ERBIN: variants seen among roughly 807,000 people sequenced by gnomAD.
The protein encoded by ERBIN is densin-180-like protein.
In ERBIN, 60 loss-of-function variants were observed where a neutral mutation model predicts 158.4. That is an observed-to-expected ratio of 0.38 (90% CI 0.31 to 0.47). The LOEUF is 0.47. Among genes scored for constraint, ERBIN ranks in the 20% least tolerant of loss-of-function variants. The pLI, the probability that ERBIN is intolerant of heterozygous loss-of-function variation, is 0.99. For synonymous variants in ERBIN, 594 were observed against 557.2 expected, an observed-to-expected ratio of 1.07 and a Z score of -0.93; for missense variants, 1,610 against 1,648.0, an observed-to-expected ratio of 0.98 and a Z score of 0.40.
intron 1 of ERBIN, among the ~76,000 whole-genome samples, chr5:65,940,377 G>A (rs1744729725): frequency 6.8e-6 from 1 of 147,020 alleles, no homozygotes; most frequent in Non-Finnish European, 1.5e-5. Flanking sequence ...GAAGTGAGGA[G>A]CATCTCCGCC....
intron 1 of ERBIN, among the ~76,000 whole-genome samples, chr5:65,959,618 C>G (rs375162862): frequency 1.3e-5 from 2 of 152,162 alleles, no homozygotes; most frequent in East Asian, 1.9e-4. Flanking sequence ...ATTGGAATTA[C>G]ACATAAATTT....
intron 21 of ERBIN, among the ~76,000 whole-genome samples, chr5:66,062,123 A>G (rs7729482): frequency 0.057 from 8,737 of 152,114 alleles, 863 homozygotes; most frequent in African/African-American, 0.2. Context: ...CTCCTGGATA[A>G]TATCCTGCAG....
At position 66,077,785 on chromosome 5, in the gene ERBIN, CACACACACAT is replaced by C. The variant is rs1216010146; in HGVS notation, c.4132-628_4132-619del. Among the ~76,000 whole-genome samples, 84 of 131,018 alleles carry C rather than the reference CACACACACAT, an allele frequency of 6.4e-4. 1 individual carries two copies. In the East Asian group the frequency reaches 0.012, roughly 18 times the overall value. 86.0% of individuals were successfully genotyped at this position (131,018 alleles called of 152,430 possible). On this transcript the variant is annotated intron_variant, in intron 25 of 25. Transcript: ENST00000284037. Reference sequence around the variant, plus strand: ...ACACACACACACACACACACACACACACACACACATACACACACACACACAGTCACACTCA... The same window carrying C: ...ACACACACACACACACACACACACACACACACACACACACAGTCACACTCA...
chr5:66,004,581 T>G (rs543751072), intron 4 of ERBIN, among the ~76,000 whole-genome samples: 364 of 152,240 alleles, frequency 2.4e-3, no homozygotes, highest in Non-Finnish European at 4.3e-3. Flanking sequence ...TTTGGTATTT[T>G]CAGTTTACAC....
intron 13 of ERBIN, among the ~76,000 whole-genome samples, chr5:66,027,879 A>G (rs1756444739): frequency 6.6e-6 from 1 of 152,040 alleles, no homozygotes; most frequent in Non-Finnish European, 1.5e-5. Context: ...TTTTATAGCA[A>G]ACTATCACTA....
At chr5:65,976,937 C>T (rs958724970) in intron 1 of ERBIN, among the ~76,000 whole-genome samples, 1 of 152,092 alleles carries the variant, frequency 6.6e-6, no homozygotes, top group Non-Finnish European at 1.5e-5. Flanking sequence ...GACACGGCAG[C>T]CATCCGATTT....
chr5:66,018,553 T>TTATATAA (rs1755237757), intron 7 of ERBIN, among the ~76,000 whole-genome samples: 3 of 7,288 alleles, frequency 4.1e-4, no homozygotes, highest in Admixed American at 1.4e-3. Flanking sequence ...ATATTATATA[T>TTATATAA]TATATAATAT....
At chr5:66,026,088 A>G in intron 12 of ERBIN, 111 bp downstream of exon 12, 3 of 1,010,660 alleles carry the variant, frequency 3.0e-6, no homozygotes, top group Non-Finnish European at 4.2e-6. Flanking sequence ...ATAGTTTTCA[A>G]GTTATTTATT....
At chr5:65,994,280 A>AT (rs756959949) in intron 3 of ERBIN, among the ~76,000 whole-genome samples, 2 of 152,192 alleles carry the variant, frequency 1.3e-5, no homozygotes, top group East Asian at 1.9e-4. Flanking sequence ...CACCACCAGT[A>AT]GAGTCTTGGT....
intron 1 of ERBIN, among the ~76,000 whole-genome samples, chr5:65,958,740 C>T (rs1373875179): frequency 6.6e-6 from 1 of 152,106 alleles, no homozygotes; most frequent in Non-Finnish European, 1.5e-5. Context: ...AGAAATCCTA[C>T]TTTGAGTACC....
At chr5:66,060,891 C>G (rs1037682014) in intron 21 of ERBIN, among the ~76,000 whole-genome samples, 1 of 152,168 alleles carries the variant, frequency 6.6e-6, no homozygotes, top group Non-Finnish European at 1.5e-5. Flanking sequence ...TTTGATTGCA[C>G]TGTGGTCTGA....
intron 4 of ERBIN, among the ~76,000 whole-genome samples, chr5:65,999,365 GAATA>G (rs765009141): frequency 1.4e-4 from 21 of 152,064 alleles, no homozygotes; most frequent in Non-Finnish European, 3.1e-4. Context: ...CATCTCAAAT[GAATA>G]AATAAATAAA....
At chr5:66,037,419 G>C (rs1235844162) in intron 14 of ERBIN, among the ~76,000 whole-genome samples, 2 of 152,190 alleles carry the variant, frequency 1.3e-5, no homozygotes, top group African/African-American at 4.8e-5. Flanking sequence ...TGAGGTAGGA[G>C]AGAATAAAAC....
At chr5:65,932,375 T>C (rs1444305615) in intron 1 of ERBIN, among the ~76,000 whole-genome samples, 1 of 151,530 alleles carries the variant, frequency 6.6e-6, no homozygotes, top group African/African-American at 2.4e-5. Context: ...CCTGGGAATA[T>C]GTAGTGGTAC....
intron 14 of ERBIN, among the ~76,000 whole-genome samples, chr5:66,029,547 TTTCTG>T (rs576569457): frequency 0.039 from 5,904 of 151,430 alleles, 385 homozygotes; most frequent in African/African-American, 0.14. Flanking sequence ...TGGGTACCCT[TTTCTG>T]TTCTGTTCTG....
chr5:65,975,591 C>T (rs973637324), intron 1 of ERBIN, among the ~76,000 whole-genome samples: 1 of 152,184 alleles, frequency 6.6e-6, no homozygotes, highest in Non-Finnish European at 1.5e-5. Context: ...CAGGTGTGGG[C>T]CACTGCGCCC....
chr5:65,954,320 G>T (rs1389955060), intron 1 of ERBIN, among the ~76,000 whole-genome samples: 1 of 152,194 alleles, frequency 6.6e-6, no homozygotes, highest in Non-Finnish European at 1.5e-5. Flanking sequence ...TGAAAAACAC[G>T]TAGGAATTGG....
rs1762293369 is a variant in ERBIN, at chr5:66,079,692, C to T, written c.*1162C>T. On this transcript the variant is annotated 3_prime_UTR_variant, in exon 26 of 26. Transcript: ENST00000284037. Reference sequence around the variant, plus strand: ...GAGCAAAGGGATGGGTCCTTGAGGCCTGCCAGTGTGTAAAGGTGTTCAAAT... The same window carrying T: ...GAGCAAAGGGATGGGTCCTTGAGGCTTGCCAGTGTGTAAAGGTGTTCAAAT... The T allele has an allele frequency of 6.6e-6, 1 of 152,554 alleles. No homozygotes were observed. Among genetic ancestry groups the T allele is most frequent in the African/African-American group, 2.4e-5 (1 of 41,408 alleles). The allele number at this position is 152,554 out of a possible 1,614,324, so 9.5% of individuals were successfully genotyped here.
chr5:66,038,131 C>T (rs1036531870), intron 14 of ERBIN, among the ~76,000 whole-genome samples: 4 of 152,048 alleles, frequency 2.6e-5, no homozygotes, highest in Non-Finnish European at 4.4e-5. Context: ...TCTTTTAAAA[C>T]GATATTTCAG....
Sources: gnomAD v4.1 joint callset for allele counts (sites outside exome capture counted in the v4.1 genomes callset) on GRCh38, gnomAD v4.1.1 for gene constraint, MANE v1.5 for transcripts, NCBI Gene and HGNC (gene_info 2026-07-23, HGNC 2026-07-21) for gene names.